GCFC2: variants seen among roughly 807,000 people sequenced by gnomAD.
GCFC2 encodes intron Large complex component GCFC2.
GCFC2 carries 102 observed loss-of-function variants against 99.4 expected under a neutral mutation model. The observed-to-expected ratio is 1.03, with a 90% CI of 0.87 to 1.21. GCFC2 has a LOEUF of 1.21. GCFC2 is among the 50% of genes most tolerant of loss of function. The pLI is 0.00. For synonymous variants in GCFC2, 338 were observed against 316.8 expected, an observed-to-expected ratio of 1.07 and a Z score of -0.71; for missense variants, 973 against 920.9, an observed-to-expected ratio of 1.06 and a Z score of -0.73.
At chr2:75,666,776 A>C (rs1678855992) in intron 15 of GCFC2, among the ~76,000 whole-genome samples, 1 of 152,110 alleles carries the variant, frequency 6.6e-6, no homozygotes, top group Non-Finnish European at 1.5e-5. Flanking sequence ...AAAGGGGAGA[A>C]AGGAAAAAAA....
At chr2:75,689,316 T>A (rs909683752) in intron 9 of GCFC2, 91 bp from the exon 10 acceptor site, 2 of 653,568 alleles carry the variant, frequency 3.1e-6, no homozygotes. Flanking sequence ...CTGTAATCAA[T>A]TGAGCTAAAA....
intron 14 of GCFC2, 86 bp from the exon 15 acceptor site, chr2:75,670,370 C>T (rs1289625710): frequency 1.1e-6 from 1 of 870,564 alleles, no homozygotes; most frequent in African/African-American, 1.7e-5. Context: ...GTTGGTCAAA[C>T]TAAAATTCTC....
upstream of GCFC2, chr2:75,711,068 C>G: frequency 5.3e-6 from 7 of 1,310,142 alleles, no homozygotes; most frequent in Non-Finnish European, 6.8e-6. Context: ...CCTGAGTTTG[C>G]AAAGCATTCC....
rs547778382 is a variant in GCFC2, at chr2:75,674,502, GA to G, written c.1813-983del. 8.0e-3 allele frequency among the ~76,000 whole-genome samples: 1,204 copies of G among 151,260 alleles called. 11 individuals are homozygous for G. The highest frequency in any genetic ancestry group is 0.028 in the African/African-American group (1,150 of 41,280). On this transcript the variant is annotated intron_variant, in intron 12 of 16. Coordinates refer to ENST00000321027, the MANE Select transcript of GCFC2 (RefSeq NM_003203.5). ...ACATGCCTATTAGGATTATAACTTT[GA>G]AAAAAAAGCCAGGATGAAAATATCC...
At chr2:75,669,478 C>T (rs1558730168) in intron 15 of GCFC2, among the ~76,000 whole-genome samples, 1 of 152,030 alleles carries the variant, frequency 6.6e-6, no homozygotes, top group Non-Finnish European at 1.5e-5. Flanking sequence ...GAAGGAACTC[C>T]CTCACTCTCA....
At chr2:75,701,110 T>C (rs1473435902) in intron 4 of GCFC2, 80 bp downstream of exon 4, 10 of 798,572 alleles carry the variant, frequency 1.3e-5, no homozygotes, top group Non-Finnish European at 1.7e-5. Context: ...TAAATGTGTG[T>C]TCTTTTGAGT....
chr2:75,688,656 C>T (rs1358942654), intron 10 of GCFC2, among the ~76,000 whole-genome samples: 1 of 152,114 alleles, frequency 6.6e-6, no homozygotes, highest in African/African-American at 2.4e-5. Context: ...ACCTTCTCAA[C>T]ACAACCCTAA....
intron 11 of GCFC2, among the ~76,000 whole-genome samples, chr2:75,684,982 C>T (rs187983155): frequency 3.3e-5 from 5 of 152,122 alleles, no homozygotes; most frequent in Non-Finnish European, 4.4e-5. Context: ...AAACACTGCA[C>T]GTTCTCACTC....
At chr2:75,703,743 C>G (rs546331457) in intron 2 of GCFC2, among the ~76,000 whole-genome samples, 2 of 152,168 alleles carry the variant, frequency 1.3e-5, no homozygotes, top group East Asian at 3.9e-4. Flanking sequence ...ATACCCAGGC[C>G]TCTATACCAG....
intron 16 of GCFC2, among the ~76,000 whole-genome samples, chr2:75,665,529 G>C (rs1678797060): frequency 1.3e-5 from 2 of 151,978 alleles, no homozygotes; most frequent in Admixed American, 1.3e-4. Context: ...CAAACAGCTG[G>C]TGCTGTGAAC....
upstream of GCFC2, among the ~76,000 whole-genome samples, chr2:75,711,958 G>A (rs989680154): frequency 6.6e-5 from 10 of 152,248 alleles, no homozygotes; most frequent in Non-Finnish European, 8.8e-5. Flanking sequence ...TGAGGAGTAC[G>A]AGCGCACGGC....
In GCFC2 at chr2:75,704,836, TGGC is replaced by T. The variant is rs1321871640; in HGVS notation, c.394+1684_394+1686del. On this transcript the variant is annotated intron_variant, in intron 2 of 16. Transcript: ENST00000321027. ...AATTACAGGTGCATGCCACCATGCCTGGCTAATTTTTACATTTTTAGTAAAGCC... is the reference window on the plus strand; with the variant it reads ...AATTACAGGTGCATGCCACCATGCCTTAATTTTTACATTTTTAGTAAAGCC... 4.1e-4 allele frequency among the ~76,000 whole-genome samples: 62 copies of T among 152,334 alleles called. 1 individual carries two copies. The highest frequency in any genetic ancestry group is 1.5e-3 in the African/African-American group (61 of 41,576).
chr2:75,699,835 C>A (rs747854748), intron 4 of GCFC2, among the ~76,000 whole-genome samples: 7 of 151,660 alleles, frequency 4.6e-5, no homozygotes, highest in Admixed American at 6.6e-5. Context: ...CCTTGGCCTT[C>A]CGAAGTGCTG....
rs757210889 is a variant in GCFC2 at position 75,665,929 on chromosome 2, C to T, written c.2228G>A (p.Arg743Lys). 2.4e-5 allele frequency: 38 copies of T among 1,574,188 alleles called. No homozygotes were observed. The highest frequency in any genetic ancestry group is 3.2e-5 in the Non-Finnish European group (37 of 1,151,742). The stretch of plus-strand genomic sequence containing the variant: ...GAAGTGAAAATAAAATATGCATTAC[C>T]TGAATTCACTTCTAGATAATTTATG... Reference protein sequence around the residue: ...SAHKLSRSEFRDEVEEIILIL... With the variant: ...SAHKLSRSEFKDEVEEIILIL... The change falls in exon 16 of 17, where the codon AGG (arginine) becomes AAG (lysine). Residue 743 changes from arginine to lysine, a missense_variant and splice_region_variant. Physicochemically the swap from Arg to Lys is conservative, Grantham distance 26. Transcript: ENST00000321027.
intron 12 of GCFC2, among the ~76,000 whole-genome samples, chr2:75,673,722 G>A (rs997306778): frequency 6.6e-6 from 1 of 152,186 alleles, no homozygotes; most frequent in Non-Finnish European, 1.5e-5. Flanking sequence ...TTGCTATATA[G>A]TATTTTGTTG....
chr2:75,673,068 T>C (rs533528702), intron 13 of GCFC2, among the ~76,000 whole-genome samples: 2 of 152,088 alleles, frequency 1.3e-5, no homozygotes, highest in African/African-American at 2.4e-5. Context: ...CCCAGCACTT[T>C]GGGAGGCCAA....
At chr2:75,699,887 T>A (rs1680500583) in intron 4 of GCFC2, among the ~76,000 whole-genome samples, 1 of 151,466 alleles carries the variant, frequency 6.6e-6, no homozygotes, top group Admixed American at 6.6e-5. Flanking sequence ...AAATCTGGGC[T>A]TTAACGTTGT....
At chr2:75,669,923 C>A (rs1439340585) in intron 15 of GCFC2, 2 of 327,548 alleles carry the variant, frequency 6.1e-6, no homozygotes, top group Non-Finnish European at 1.2e-5. Context: ...CGGAGTTTCA[C>A]CATGTTGGTG....
At chr2:75,675,408 T>C (rs1224287710) in intron 12 of GCFC2, among the ~76,000 whole-genome samples, 3 of 152,200 alleles carry the variant, frequency 2.0e-5, no homozygotes, top group African/African-American at 7.2e-5. Flanking sequence ...AAGTTTTCTT[T>C]CAAAGTATTA....
Sources: gnomAD v4.1 joint callset for allele counts (sites outside exome capture counted in the v4.1 genomes callset) on GRCh38, gnomAD v4.1.1 for gene constraint, MANE v1.5 for transcripts, NCBI Gene and HGNC (gene_info 2026-07-23, HGNC 2026-07-21) for gene names.